TSNARE1: variants seen among roughly 807,000 people sequenced by gnomAD.
TSNARE1 encodes t-SNARE domain containing 1, also known as t-SNARE domain-containing protein 1.
Under a neutral mutation model 62.0 loss-of-function variants are expected in TSNARE1, and 49 were observed. The ratio of observed to expected loss-of-function variants is 0.79; its 90% confidence interval spans 0.63 to 1.00. The LOEUF (loss-of-function observed/expected upper bound fraction) is 1.00. Ranked by LOEUF, TSNARE1 falls within the 50% of genes least tolerant of loss-of-function variation. The probability of loss-of-function intolerance (pLI) is 0.00; values close to 1 mark genes in which losing one functional copy is unlikely to be tolerated. For synonymous variants in TSNARE1, 328 were observed against 294.4 expected (o/e 1.11, Z -1.17); for missense variants, 755 against 700.1 (o/e 1.08, Z -0.88).
At chr8:142,345,622 C>T (rs1257173005) in intron 3 of TSNARE1, 121 bp downstream of exon 3, 6 of 1,261,736 alleles carry the variant, frequency 4.8e-6, no homozygotes, top group Non-Finnish European at 6.4e-6. Context: ...ATGCAGGTCC[C>T]TTGCCTCCTG....
chr8:142,298,053 C>T (rs930698266), intron 10 of TSNARE1, among the ~76,000 whole-genome samples: 13 of 152,340 alleles, frequency 8.5e-5, no homozygotes, highest in East Asian at 3.9e-4. Flanking sequence ...CTGCTACCCC[C>T]CGTCCGCACA....
chr8:142,367,004 A>C (rs1167325513), intron 1 of TSNARE1, among the ~76,000 whole-genome samples: 1 of 152,188 alleles, frequency 6.6e-6, no homozygotes, highest in East Asian at 1.9e-4. Context: ...ATGGTAGGAA[A>C]AAACCCATTT....
intron 9 of TSNARE1, among the ~76,000 whole-genome samples, chr8:142,313,083 T>G (rs1470145757): frequency 6.6e-6 from 1 of 152,242 alleles, no homozygotes; most frequent in East Asian, 1.9e-4. Context: ...TCTGTGTTTA[T>G]CTGCATCTCT....
intron 1 of TSNARE1, among the ~76,000 whole-genome samples, chr8:142,377,780 CA>C (rs1472933988): frequency 6.6e-6 from 1 of 152,200 alleles, no homozygotes; most frequent in African/African-American, 2.4e-5. Context: ...GGAATCCAGA[CA>C]GAAACTACCA....
chr8:142,368,471 C>T (rs2130989902), intron 1 of TSNARE1, among the ~76,000 whole-genome samples: 1 of 152,286 alleles, frequency 6.6e-6, no homozygotes, highest in Middle Eastern at 3.4e-3. Context: ...CCTGTCTCAT[C>T]AGACAGCTGA....
At chr8:142,217,196 A>T (rs1439201183) in intron 13 of TSNARE1, among the ~76,000 whole-genome samples, 1 of 151,922 alleles carries the variant, frequency 6.6e-6, no homozygotes, top group Non-Finnish European at 1.5e-5. Context: ...GTGAGCCGAG[A>T]TAGGGCCACT....
chr8:142,229,417 A>G (rs551077458), intron 13 of TSNARE1, 56 bp downstream of exon 13: 1 of 1,362,032 alleles, frequency 7.3e-7, no homozygotes, highest in East Asian at 2.4e-5. Flanking sequence ...TAGGTGAATG[A>G]ATGGATGGTG....
chr8:142,396,356 C>G (rs1032341905), intron 1 of TSNARE1, among the ~76,000 whole-genome samples: 3 of 152,128 alleles, frequency 2.0e-5, no homozygotes, highest in African/African-American at 7.2e-5. Context: ...CCCCGACCTC[C>G]TAGCCTCAAG....
At chr8:142,296,047 G>A (rs1824626476) in intron 10 of TSNARE1, among the ~76,000 whole-genome samples, 1 of 57,878 alleles carries the variant, frequency 1.7e-5, no homozygotes, top group Non-Finnish European at 3.4e-5. Context: ...CGGGGGAGGG[G>A]GTGATGACTG....
intron 7 of TSNARE1, among the ~76,000 whole-genome samples, chr8:142,315,996 C>T (rs1644877589): frequency 6.6e-6 from 1 of 152,250 alleles, no homozygotes; most frequent in African/African-American, 2.4e-5. Flanking sequence ...GAGGAAACTG[C>T]CTGCACGGAC....
At chr8:142,225,404 C>G (rs1443362972) in intron 13 of TSNARE1, among the ~76,000 whole-genome samples, 1 of 152,156 alleles carries the variant, frequency 6.6e-6, no homozygotes, top group Non-Finnish European at 1.5e-5. Context: ...AGCCACCTCC[C>G]CTGCCTCTCC....
chr8:142,314,708 C>T (rs1170243060), intron 8 of TSNARE1, among the ~76,000 whole-genome samples: 3 of 152,248 alleles, frequency 2.0e-5, no homozygotes, highest in African/African-American at 7.2e-5. Context: ...CGCGTGGGAG[C>T]TCTCTGGGCC....
At chr8:142,308,723 T>C (rs1034986939) in intron 9 of TSNARE1, among the ~76,000 whole-genome samples, 1 of 152,236 alleles carries the variant, frequency 6.6e-6, no homozygotes, top group Non-Finnish European at 1.5e-5. Context: ...TTCTTCAAAA[T>C]TGCCTTTGCT....
At position 142,223,043 on chromosome 8, in the gene TSNARE1, C is replaced by CTCAT. The variant is rs1563756587; in HGVS notation, c.*11+6429_*11+6430insATGA. Among the ~76,000 whole-genome samples the CTCAT allele has an allele frequency of 4.7e-4, 19 of 40,712 alleles. 1 individual carries two copies. The highest frequency in any genetic ancestry group is 8.0e-4 in the Non-Finnish European group (17 of 21,150). The allele number at this position is 40,712 out of a possible 152,430, so 26.7% of individuals were successfully genotyped here. ...ACTCAGCCACTCACTCATTCACTCA[C>CTCAT]TCACTCATTCACTCATTCACTTACT... On this transcript the variant is annotated intron_variant, in intron 13 of 13. Coordinates refer to ENST00000524325, the MANE Select transcript of TSNARE1 (RefSeq NM_145003.5).
chr8:142,311,461 C>G (rs1266309089), intron 9 of TSNARE1, among the ~76,000 whole-genome samples: 2 of 151,396 alleles, frequency 1.3e-5, no homozygotes, highest in Non-Finnish European at 2.9e-5. Flanking sequence ...CCACACCCGG[C>G]TAATTTTGTA....
At chr8:142,364,920 C>A (rs967530502) in intron 1 of TSNARE1, among the ~76,000 whole-genome samples, 3 of 152,186 alleles carry the variant, frequency 2.0e-5, no homozygotes, top group Admixed American at 6.5e-5. Flanking sequence ...ATGGAACCAG[C>A]AACCAACAGG....
intron 9 of TSNARE1, among the ~76,000 whole-genome samples, chr8:142,311,160 GT>G (rs754868075): frequency 8.5e-4 from 120 of 140,906 alleles, no homozygotes; most frequent in African/African-American, 8.8e-4. Flanking sequence ...AAGGGTGGTT[GT>G]TTTTTTTTTT....
chr8:142,356,162 T>C (rs1249262971), intron 1 of TSNARE1, among the ~76,000 whole-genome samples: 1 of 152,166 alleles, frequency 6.6e-6, no homozygotes, highest in African/African-American at 2.4e-5. Flanking sequence ...CGTGGCACCC[T>C]CCGGGCAGGC....
intron 4 of TSNARE1, among the ~76,000 whole-genome samples, chr8:142,333,536 T>C (rs958301698): frequency 6.6e-6 from 1 of 152,212 alleles, no homozygotes; most frequent in African/African-American, 2.4e-5. Context: ...TGGGCTGCCC[T>C]GAGGTGGCCC....
Sources: gnomAD v4.1 joint callset for allele counts (sites outside exome capture counted in the v4.1 genomes callset) on GRCh38, gnomAD v4.1.1 for gene constraint, MANE v1.5 for transcripts, NCBI Gene and HGNC (gene_info 2026-07-23, HGNC 2026-07-21) for gene names.